The following TENT5B variants were observed in gnomAD, a reference collection of about 807,000 sequenced individuals.
The protein encoded by TENT5B is family with sequence similarity 46 member B.
TENT5B carries 12 observed loss-of-function variants against 21.7 expected under a neutral mutation model. The observed-to-expected ratio is 0.55, with a 90% confidence interval of 0.36 to 0.90. TENT5B has a LOEUF of 0.90. Ranked by LOEUF, TENT5B falls within the 40% of genes least tolerant of loss-of-function variation. TENT5B has a pLI of 0.01. For synonymous variants in TENT5B, 262 were observed against 266.6 expected, an observed-to-expected ratio of 0.98 and a Z score of 0.17; for missense variants, 540 against 601.5, an observed-to-expected ratio of 0.90 and a Z score of 1.07.
At position 27,005,835 on chromosome 1, in the gene TENT5B, C is replaced by A; in HGVS notation, c.*109G>T. The stretch of plus-strand genomic sequence containing the variant: ...CAATCAAAGGCCCAACCCTGCAGTG[C>A]TGGGCCTCCTGGCACATTCTGCGCC... On this transcript the variant is annotated 3_prime_UTR_variant, in exon 2 of 2. Transcript: ENST00000289166. 7.1e-7 allele frequency: 1 copy of A among 1,414,274 alleles called. No homozygotes were observed. Among genetic ancestry groups the A allele is most frequent in the Non-Finnish European group, 9.5e-7 (1 of 1,049,816 alleles). The allele number at this position is 1,414,274 out of a possible 1,614,324, so 87.6% of individuals were successfully genotyped here.
chr1:27,011,938 A>T (rs541228025), intron 1 of TENT5B, among the ~76,000 whole-genome samples: 1 of 152,192 alleles, frequency 6.6e-6, no homozygotes, highest in Admixed American at 6.5e-5. Context: ...TTTCTCCAGC[A>T]AAAGGCTGTA....
Position 27,012,363 on chromosome 1 carries a change from C to T in TENT5B, c.264+44G>A, listed in dbSNP as rs373891927. 259 of 1,590,936 alleles carry T rather than the reference C, an allele frequency of 1.6e-4. 2 individuals are homozygous for T. The highest frequency in any genetic ancestry group is 2.0e-4 in the Non-Finnish European group (231 of 1,171,038). On this transcript the variant is annotated intron_variant, in intron 1 of 1. Coordinates refer to ENST00000289166, the MANE Select transcript of TENT5B (RefSeq NM_052943.4). ...ACAAATGCCTTCCAGCCACGAGAGC[C>T]TCAGAAGGGATTCCCCCACATCCCC... is the stretch of plus-strand genomic sequence containing the variant.
chr1:27,006,438 G>T lies in TENT5B; in HGVS notation c.784C>A (p.Arg262=). ...GDFTEALEHL[R]HRVIATRSPE... Reference sequence around the variant, plus strand: ...CTGCGCGTGGCGATGACACGGTGCCGCAGGTGCTCCAGGGCCTCGGTGAAG... The same window carrying T: ...CTGCGCGTGGCGATGACACGGTGCCTCAGGTGCTCCAGGGCCTCGGTGAAG... The change falls in exon 2 of 2, where the codon CGG becomes AGG. Residue 262 remains arginine (R), a synonymous_variant. Transcript: ENST00000289166. This position sits in a 1 kb window ranked among gnomAD's most constrained non-coding sequence, Gnocchi z 9.4. The T allele has an allele frequency of 6.2e-7, 1 of 1,613,548 alleles. No homozygotes were observed. The highest frequency in any genetic ancestry group is 8.5e-7 in the Non-Finnish European group (1 of 1,179,866).
Position 27,007,673 on chromosome 1 carries a change from C to T in TENT5B, c.265-716G>A, listed in dbSNP as rs560987139. On this transcript the variant is annotated intron_variant, in intron 1 of 1. Transcript: ENST00000289166. ...TGCTGGGATTATAGGCGTGAGCCAC[C>T]GCGCTCGGTGGTTTAAGTCTTAACC... Among the ~76,000 whole-genome samples, 15 of 152,224 alleles carry T rather than the reference C, an allele frequency of 9.9e-5. 1 individual carries two copies. In the South Asian group the frequency reaches 2.1e-3, roughly 21 times the overall value.
intron 1 of TENT5B, 116 bp from the exon 2 acceptor site, chr1:27,007,073 T>C (rs1288397918): frequency 2.5e-6 from 1 of 401,798 alleles, no homozygotes; most frequent in Non-Finnish European, 3.3e-6. Flanking sequence ...CCAGCTGTTA[T>C]GCCTTTGGAA....
chr1:27,006,671 G>A lies in TENT5B; in HGVS notation c.551C>T (p.Ser184Leu), dbSNP rs1166246481. 8 of 1,614,104 alleles carry A rather than the reference G, an allele frequency of 5.0e-6. No individual in the cohort carries two copies. The highest frequency in any genetic ancestry group is 1.7e-5 in the Admixed American group (1 of 60,008). ...CAGTGAGATGAGGCTCCAGCGGTCC[G>A]AGTCTGTGCACACTTTCACCAGCTT... ...VQKLVKVCTD[S>L]DRWSLISLSN... is the part of the protein sequence containing the mutation. The change falls in exon 2 of 2, where the codon TCG becomes TTG. Residue 184 changes from serine to leucine, a missense_variant. Coordinates refer to ENST00000289166, the MANE Select transcript of TENT5B (RefSeq NM_052943.4). This position sits in a 1 kb window ranked among gnomAD's most constrained non-coding sequence, Gnocchi z 9.4.
At chr1:27,012,059 C>T (rs1570785023) in intron 1 of TENT5B, among the ~76,000 whole-genome samples, 1 of 152,212 alleles carries the variant, frequency 6.6e-6, no homozygotes, top group East Asian at 1.9e-4. Context: ...AGCATGCACA[C>T]TTACCCACCC....
At chr1:27,010,430 C>T (rs2082618378) in intron 1 of TENT5B, among the ~76,000 whole-genome samples, 1 of 152,098 alleles carries the variant, frequency 6.6e-6, no homozygotes, top group Non-Finnish European at 1.5e-5. Context: ...CTCCCCGCCC[C>T]CATCCCTGCA....
chr1:27,011,774 A>G (rs2082624513), intron 1 of TENT5B, among the ~76,000 whole-genome samples: 2 of 152,160 alleles, frequency 1.3e-5, no homozygotes, highest in South Asian at 4.1e-4. Context: ...AGGAGAAGAA[A>G]CACCTAAATT....
In TENT5B at chr1:27,008,977, CTTTTTTTTTTTTTTTTTTT is replaced by C; in HGVS notation, c.265-2039_265-2021del. On this transcript the variant is annotated intron_variant, in intron 1 of 1. Transcript: ENST00000289166. Reference sequence around the variant, plus strand: ...CTCTACCTTCCTTTCCTCCATCCTTCTTTTTTTTTTTTTTTTTTTTTTTTTTTTTTTGAGAGAGTCCTGA... The same window carrying C: ...CTCTACCTTCCTTTCCTCCATCCTTCTTTTTTTTTTTTGAGAGAGTCCTGA... Among the ~76,000 whole-genome samples the C allele has an allele frequency of 6.5e-5, 2 of 31,006 alleles. 1 individual carries two copies. The highest frequency in any genetic ancestry group is 4.2e-3 in the South Asian group (2 of 478). 20.3% of individuals were successfully genotyped at this position (31,006 alleles called of 152,430 possible). A position where few individuals can be genotyped will look rare whatever the true frequency, so the allele number is the denominator to read the frequency against.
At chr1:27,007,054 G>A in intron 1 of TENT5B, 97 bp from the exon 2 acceptor site, 1 of 917,076 alleles carries the variant, frequency 1.1e-6, no homozygotes, top group Non-Finnish European at 1.4e-6. Flanking sequence ...AACCACTATT[G>A]GCCCCTAACC....
rs1298611389 is a variant in TENT5B, at chr1:27,008,974, CTTCTTTT to C, written c.265-2024_265-2018del. Among the ~76,000 whole-genome samples, 3 of 106,408 alleles carry C rather than the reference CTTCTTTT, an allele frequency of 2.8e-5. No homozygotes were observed. The East Asian group carries it at 7.0e-4, about 25-fold the overall frequency. The allele number at this position is 106,408 out of a possible 152,430, so 69.8% of individuals were successfully genotyped here. A position where few individuals can be genotyped will look rare whatever the true frequency, so the allele number is the denominator to read the frequency against. ...CTTCTCTACCTTCCTTTCCTCCATCCTTCTTTTTTTTTTTTTTTTTTTTTTTTTTTTT... is the reference window on the plus strand; with the variant it reads ...CTTCTCTACCTTCCTTTCCTCCATCCTTTTTTTTTTTTTTTTTTTTTTTTT... On this transcript the variant is annotated intron_variant, in intron 1 of 1. Coordinates refer to ENST00000289166, the MANE Select transcript of TENT5B (RefSeq NM_052943.4).
chr1:27,005,265 G>GCCTGGGCTGCGACCCAC lies in TENT5B; in HGVS notation c.*662_*678dup, dbSNP rs1553167934. The GCCTGGGCTGCGACCCAC allele has an allele frequency of 1.3e-5, 2 of 152,634 alleles. No homozygotes were observed. Among genetic ancestry groups the GCCTGGGCTGCGACCCAC allele is most frequent in the African/African-American group, 4.8e-5 (2 of 41,432 alleles). 9.5% of individuals were successfully genotyped at this position (152,634 alleles called of 1,614,324 possible). A position where few individuals can be genotyped will look rare whatever the true frequency, so the allele number is the denominator to read the frequency against. ...GGAAAGGAGTGGCACCCTGGAAGGG[G>GCCTGGGCTGCGACCCAC]CCTGGGCTGCGACCCACCCTGGGCT... is the stretch of plus-strand genomic sequence containing the variant. On this transcript the variant is annotated 3_prime_UTR_variant, in exon 2 of 2. Transcript: ENST00000289166.
Position 27,006,209 on chromosome 1 carries a change from C to T in TENT5B, c.1013G>A (p.Arg338His), listed in dbSNP as rs761490435. ...CAGTGTCACCAGGCAGGCGTAACGGCGGGCTGCATCTGCCCCACCGAAGTG... is the reference window on the plus strand; with the variant it reads ...CAGTGTCACCAGGCAGGCGTAACGGTGGGCTGCATCTGCCCCACCGAAGTG... The part of the protein sequence containing the change: ...EAHFGGADAA[R>H]RYACLVTLHR... The change falls in exon 2 of 2, where the codon CGC becomes CAC. Residue 338 changes from arginine to histidine, a missense_variant. Coordinates refer to ENST00000289166, the MANE Select transcript of TENT5B (RefSeq NM_052943.4). This position sits in a 1 kb window ranked among gnomAD's most constrained non-coding sequence, Gnocchi z 9.4. 5.0e-5 allele frequency: 80 copies of T among 1,609,570 alleles called. 3 individuals carry two copies. Among genetic ancestry groups the T allele is most frequent in the South Asian group, 4.6e-4 (42 of 90,762 alleles).
chr1:27,006,805 G>A lies in TENT5B; in HGVS notation c.417C>T (p.Ser139=), dbSNP rs903674775. The part of the protein sequence containing the change: ...VFRVDLRSEA[S]FQLTKAVVLA... ...GCACCACTGCCTTGGTCAGCTGGAA[G>A]GATGCCTCACTGCGCAGGTCCACCC... The change falls in exon 2 of 2, where the codon TCC becomes TCT. Residue 139 remains serine, a synonymous_variant. Coordinates refer to ENST00000289166, the MANE Select transcript of TENT5B (RefSeq NM_052943.4). The surrounding 1 kb of genome is among the most constrained non-coding windows in gnomAD (Gnocchi z 9.4). 1.9e-6 allele frequency: 3 copies of A among 1,613,960 alleles called. No individual in the cohort carries two copies. The African/African-American group carries it at 4.0e-5, about 22-fold the overall frequency.
Position 27,005,305 on chromosome 1 carries a change from T to C in TENT5B, c.*639A>G, listed in dbSNP as rs555971050. 1.3e-5 allele frequency: 2 copies of C among 152,710 alleles called. No homozygotes were observed. Among genetic ancestry groups the C allele is most frequent in the South Asian group, 4.1e-4 (2 of 4,836 alleles). The allele number at this position is 152,710 out of a possible 1,614,324, so 9.5% of individuals were successfully genotyped here. On this transcript the variant is annotated 3_prime_UTR_variant, in exon 2 of 2. Coordinates refer to ENST00000289166, the MANE Select transcript of TENT5B (RefSeq NM_052943.4). ...CACCCTGGGCTGCTTGGCTCCTGTA[T>C]ACTGCCCACCTCAACCCCTCAAGAG...
At position 27,012,676 on chromosome 1, in the gene TENT5B, C is replaced by A; in HGVS notation, c.-6G>T. 1.4e-6 allele frequency: 2 copies of A among 1,458,490 alleles called. No homozygotes were observed. The allele number at this position is 1,458,490 out of a possible 1,614,324, so 90.3% of individuals were successfully genotyped here. A position where few individuals can be genotyped will look rare whatever the true frequency, so the allele number is the denominator to read the frequency against. ...CCGCTCTCCGACGGCATCATCCGCCCGGCCCCCGGGCCCCGACGGCAGAAA... is the reference window on the plus strand; with the variant it reads ...CCGCTCTCCGACGGCATCATCCGCCAGGCCCCCGGGCCCCGACGGCAGAAA... On this transcript the variant is annotated 5_prime_UTR_variant, in exon 1 of 2. Transcript: ENST00000289166.
At chr1:27,011,418 T>C (rs761218068) in intron 1 of TENT5B, among the ~76,000 whole-genome samples, 3 of 152,174 alleles carry the variant, frequency 2.0e-5, no homozygotes, top group Non-Finnish European at 4.4e-5. Flanking sequence ...CACCTAGAAG[T>C]TGACCTTGGG....
At position 27,006,178 on chromosome 1, in the gene TENT5B, C is replaced by T. The variant is rs2124203162; in HGVS notation, c.1044G>A (p.Arg348=). ...GGCACACGGTGCTCTCGTTGACCAC[C>T]CGGTGCAGTGTCACCAGGCAGGCGT... ...RRYACLVTLH[R]VVNESTVCLM... Residue 348 remains arginine, a synonymous_variant, in exon 2 of 2, where the codon CGG becomes CGA. Transcript: ENST00000289166. This position sits in a 1 kb window ranked among gnomAD's most constrained non-coding sequence, Gnocchi z 9.4. The T allele has an allele frequency of 6.2e-7, 1 of 1,611,694 alleles. No homozygotes were observed.
Sources: gnomAD v4.1 joint callset for allele counts (sites outside exome capture counted in the v4.1 genomes callset) on GRCh38, gnomAD v4.1.1 for gene constraint, Gnocchi (gnomAD v3.1) non-coding constraint, MANE v1.5 for transcripts, NCBI Gene and HGNC (gene_info 2026-07-23, HGNC 2026-07-21) for gene names.